Variants in KCNH1 observed in about 807,000 individuals in gnomAD.
The protein encoded by KCNH1 is potassium voltage-gated channel subfamily H member 1.
KCNH1 carries 27 observed loss-of-function variants against 69.2 expected under a neutral mutation model. The observed-to-expected ratio is 0.39, with a 90% CI of 0.29 to 0.54. The LOEUF is 0.54. Ranked by LOEUF, KCNH1 falls within the 20% of genes least tolerant of loss-of-function variation. The pLI is 0.68. For missense variants in KCNH1, 798 were observed against 1,261.6 expected (o/e 0.63, Z 5.57); for synonymous variants, 456 against 487.7 (o/e 0.93, Z 0.86).
chr1:211,027,634 A>G (rs1389144001), intron 5 of KCNH1, among the ~76,000 whole-genome samples: 2 of 152,050 alleles, frequency 1.3e-5, no homozygotes, highest in East Asian at 3.8e-4. Flanking sequence ...GAAGATGAAG[A>G]AAAAAATTAG....
intron 6 of KCNH1, among the ~76,000 whole-genome samples, chr1:210,995,675 A>G: frequency 6.6e-6 from 1 of 152,210 alleles, no homozygotes; most frequent in East Asian, 1.9e-4. Context: ...ATGTATGAAT[A>G]TTCAGACTAA....
At chr1:211,002,338 GT>G (rs1689203220) in intron 6 of KCNH1, among the ~76,000 whole-genome samples, 1 of 87,820 alleles carries the variant, frequency 1.1e-5, no homozygotes, top group Non-Finnish European at 2.3e-5. Flanking sequence ...GTGTGTGTGT[GT>G]ATATATATAT....
intron 10 of KCNH1, among the ~76,000 whole-genome samples, chr1:210,700,198 A>G (rs1681739826): frequency 6.6e-6 from 1 of 152,242 alleles, no homozygotes; most frequent in East Asian, 1.9e-4. Context: ...TACTGCTCCA[A>G]GGCCACCAGG....
chr1:210,987,976 G>A (rs562506988), intron 6 of KCNH1, among the ~76,000 whole-genome samples: 16 of 152,348 alleles, frequency 1.1e-4, no homozygotes, highest in Non-Finnish European at 1.8e-4. Flanking sequence ...TCAAGCCTGG[G>A]CAATGGCAGG....
intron 6 of KCNH1, 44 bp from the exon 7 acceptor site, chr1:210,920,113 T>A: frequency 6.4e-7 from 1 of 1,568,038 alleles, no homozygotes; most frequent in South Asian, 1.1e-5. Context: ...GAACCAAAGA[T>A]ACTACTCTCG....
At chr1:211,110,020 CAG>C (rs1691429078) in intron 1 of KCNH1, among the ~76,000 whole-genome samples, 1 of 144,830 alleles carries the variant, frequency 6.9e-6, no homozygotes, top group Admixed American at 6.8e-5. Context: ...AGACAAGAAA[CAG>C]AGAAGAAAAA....
intron 7 of KCNH1, among the ~76,000 whole-genome samples, chr1:210,816,480 A>G (rs892624641): frequency 1.3e-5 from 2 of 152,232 alleles, no homozygotes; most frequent in Admixed American, 6.5e-5. Flanking sequence ...ACTTCTGCAA[A>G]TGAATCAAGA....
intron 10 of KCNH1, among the ~76,000 whole-genome samples, chr1:210,753,406 AC>A (rs1192443758): frequency 6.6e-6 from 1 of 152,212 alleles, no homozygotes; most frequent in East Asian, 1.9e-4. Flanking sequence ...AACAATTGAA[AC>A]GTGGAGTCAG....
intron 8 of KCNH1, among the ~76,000 whole-genome samples, chr1:210,800,372 G>A (rs887972773): frequency 1.2e-4 from 18 of 152,190 alleles, no homozygotes; most frequent in Non-Finnish European, 1.9e-4. Flanking sequence ...GTGCCCAGTC[G>A]TCTGGAACCA....
chr1:210,710,028 T>G (rs554493434), intron 10 of KCNH1, among the ~76,000 whole-genome samples: 16 of 152,354 alleles, frequency 1.1e-4, no homozygotes, highest in African/African-American at 3.8e-4. Context: ...ATTTTGTCAT[T>G]GTGTGAACAT....
chr1:210,912,149 A>G (rs1358267241), intron 7 of KCNH1, among the ~76,000 whole-genome samples: 3 of 152,212 alleles, frequency 2.0e-5, no homozygotes, highest in African/African-American at 2.4e-5. Context: ...CCTATTTACA[A>G]GAGTTATTGG....
At chr1:211,064,125 T>A (rs940657684) in intron 5 of KCNH1, among the ~76,000 whole-genome samples, 1 of 152,186 alleles carries the variant, frequency 6.6e-6, no homozygotes, top group Non-Finnish European at 1.5e-5. Context: ...CTGGTAACAA[T>A]CCAAATATCT....
chr1:211,040,776 A>G (rs1176977313), intron 5 of KCNH1, among the ~76,000 whole-genome samples: 1 of 152,138 alleles, frequency 6.6e-6, no homozygotes, highest in Non-Finnish European at 1.5e-5. Context: ...TTGCCTTAGG[A>G]ATCACTGAAA....
At chr1:210,855,206 G>T (rs1685805327) in intron 7 of KCNH1, among the ~76,000 whole-genome samples, 3 of 152,148 alleles carry the variant, frequency 2.0e-5, no homozygotes, top group Admixed American at 2.0e-4. Context: ...CTCATTGACA[G>T]CCAGAAGAAG....
chr1:211,104,951 T>C (rs1273260449), intron 2 of KCNH1, among the ~76,000 whole-genome samples: 1 of 152,260 alleles, frequency 6.6e-6, no homozygotes, highest in Non-Finnish European at 1.5e-5. Context: ...CATGCTTAGC[T>C]TGATACCAGA....
At chr1:210,993,808 C>T (rs1688975618) in intron 6 of KCNH1, among the ~76,000 whole-genome samples, 1 of 152,050 alleles carries the variant, frequency 6.6e-6, no homozygotes, top group South Asian at 2.1e-4. Flanking sequence ...TATTAAGTAA[C>T]TCTGGGATCT....
At chr1:211,124,687 G>A (rs1426411281) in intron 1 of KCNH1, among the ~76,000 whole-genome samples, 3 of 152,132 alleles carry the variant, frequency 2.0e-5, no homozygotes, top group African/African-American at 7.2e-5. Context: ...TCTCAGCCAG[G>A]GTCTTGGCAG....
chr1:210,837,565 T>C (rs756245741), intron 7 of KCNH1, among the ~76,000 whole-genome samples: 1 of 152,192 alleles, frequency 6.6e-6, no homozygotes, highest in Non-Finnish European at 1.5e-5. Flanking sequence ...CTGTCATTTC[T>C]GGCTTGGAAA....
chr1:210,810,371 T>C (rs537315537), intron 7 of KCNH1, among the ~76,000 whole-genome samples: 1 of 152,332 alleles, frequency 6.6e-6, no homozygotes, highest in South Asian at 2.1e-4. Flanking sequence ...ACCTTTTTGC[T>C]ATGGTTCCAT....
Sources: gnomAD v4.1 joint callset for allele counts (sites outside exome capture counted in the v4.1 genomes callset) on GRCh38, gnomAD v4.1.1 for gene constraint, MANE v1.5 for transcripts, NCBI Gene and HGNC (gene_info 2026-07-23, HGNC 2026-07-21) for gene names.